The following TLL2 variants were observed in gnomAD, a reference collection of about 807,000 sequenced individuals.
TLL2 encodes tolloid like 2, also known as tolloid-like protein 2.
In TLL2, 106 loss-of-function variants were observed where a neutral mutation model predicts 123.0. The observed-to-expected ratio is 0.86, with a 90% CI of 0.74 to 1.01. TLL2 has a LOEUF of 1.01. TLL2 is among the 50% of genes least tolerant of loss of function. The pLI, the probability that TLL2 is intolerant of heterozygous loss-of-function variation, is 0.00. For missense variants in TLL2, 1,332 were observed against 1,336.7 expected (o/e 1.00, Z 0.06); for synonymous variants, 494 against 516.8 (o/e 0.96, Z 0.60).
intron 2 of TLL2, among the ~76,000 whole-genome samples, chr10:96,448,049 A>T (rs1469939986): frequency 6.6e-6 from 1 of 152,136 alleles, no homozygotes; most frequent in Non-Finnish European, 1.5e-5. Flanking sequence ...AACTCCTCAC[A>T]TGCAGGCCAT....
chr10:96,426,110 ACAGG>A (rs1846675301), intron 5 of TLL2, among the ~76,000 whole-genome samples: 1 of 152,128 alleles, frequency 6.6e-6, no homozygotes, highest in Non-Finnish European at 1.5e-5. Context: ...GTTGTATTGT[ACAGG>A]TGCCTTTTAG....
chr10:96,397,164 G>A (rs200402289), intron 11 of TLL2, 22 bp downstream of exon 11: 6 of 1,599,172 alleles, frequency 3.8e-6, no homozygotes, highest in Non-Finnish European at 5.1e-6. Context: ...CCACCGAGCA[G>A]CTGCTTTCAC....
chr10:96,476,248 T>TTTTTTTTTTTTTTTTTGTTGTTGTTGTTG (rs1285354320), intron 2 of TLL2, among the ~76,000 whole-genome samples: 1 of 69,230 alleles, frequency 1.4e-5, no homozygotes, highest in African/African-American at 6.2e-5. Flanking sequence ...ATATTTTATT[T>TTTTTTTTTTTTTTTTTGTTGTTGTTGTTG]TTGTTGTTGT....
intron 10 of TLL2, among the ~76,000 whole-genome samples, chr10:96,397,864 G>A (rs1459297063): frequency 6.6e-6 from 1 of 152,186 alleles, no homozygotes; most frequent in Non-Finnish European, 1.5e-5. Context: ...TAGGATGGAG[G>A]AGTGACAGGA....
intron 7 of TLL2, among the ~76,000 whole-genome samples, chr10:96,416,397 TGC>T (rs150378829): frequency 0.039 from 5,877 of 152,282 alleles, 364 homozygotes; most frequent in African/African-American, 0.13. Context: ...GCACTTTCCT[TGC>T]ACCAACTCAT....
chr10:96,512,890 A>T (rs1005742981), intron 1 of TLL2, among the ~76,000 whole-genome samples: 2 of 152,198 alleles, frequency 1.3e-5, no homozygotes, highest in Admixed American at 6.5e-5. Flanking sequence ...TCCTGGAGGG[A>T]TTAGAGCACC....
chr10:96,370,161 C>T lies in TLL2; in HGVS notation c.2817G>A (p.Glu939=). ...AGCCGCAGTCGGCCTCCTCCTCAAC[C>T]TCAAAGGTCCGGAATGTCAGCTCCA... ...YGVELTFRTF[E]VEEEADCGYD... The change falls in exon 20 of 21, where the codon GAG becomes GAA. Residue 939 remains glutamate (E), a synonymous_variant. Transcript: ENST00000357947. 4 of 1,614,112 alleles carry T rather than the reference C, an allele frequency of 2.5e-6. No individual in the cohort carries two copies. Among genetic ancestry groups the T allele is most frequent in the Non-Finnish European group, 3.4e-6 (4 of 1,179,990 alleles).
At chr10:96,433,149 A>T (rs1465115049) in intron 3 of TLL2, among the ~76,000 whole-genome samples, 187 bp from the exon 4 acceptor site, 1 of 152,144 alleles carries the variant, frequency 6.6e-6, no homozygotes, top group African/African-American at 2.4e-5. Context: ...TACATGTAGT[A>T]AATGTACCGG....
intron 16 of TLL2, among the ~76,000 whole-genome samples, chr10:96,380,822 C>T (rs1290101667): frequency 6.7e-6 from 1 of 148,608 alleles, no homozygotes; most frequent in Non-Finnish European, 1.5e-5. Context: ...GAGTTCGAGA[C>T]ACAAATTAGC....
intron 10 of TLL2, among the ~76,000 whole-genome samples, chr10:96,404,725 A>G (rs1035627273): frequency 9.2e-5 from 14 of 152,196 alleles, no homozygotes; most frequent in African/African-American, 3.1e-4. Flanking sequence ...CATTATATAT[A>G]TATATATAAA....
At chr10:96,400,900 A>G (rs1477814874) in intron 10 of TLL2, among the ~76,000 whole-genome samples, 2 of 152,214 alleles carry the variant, frequency 1.3e-5, no homozygotes, top group African/African-American at 4.8e-5. Context: ...AGTGACCCCC[A>G]AAACTGACAA....
chr10:96,410,525 C>T (rs1846491138), intron 8 of TLL2, 51 bp from the exon 9 acceptor site: 1 of 1,448,760 alleles, frequency 6.9e-7, no homozygotes, highest in Non-Finnish European at 9.7e-7. Flanking sequence ...CTCTCCCCGC[C>T]CAAGCAGCTC....
intron 18 of TLL2, 32 bp from the exon 19 acceptor site, chr10:96,373,841 G>GCCCTT (rs778237466): frequency 8.7e-6 from 14 of 1,600,872 alleles, no homozygotes; most frequent in African/African-American, 1.3e-5. Flanking sequence ...GTAAGGCAAG[G>GCCCTT]GCCTGGCGTT....
At chr10:96,381,083 G>C (rs563687111) in intron 16 of TLL2, among the ~76,000 whole-genome samples, 1 of 152,028 alleles carries the variant, frequency 6.6e-6, no homozygotes, top group Non-Finnish European at 1.5e-5. Flanking sequence ...ATGACTCACA[G>C]GTCCTCACCC....
intron 2 of TLL2, among the ~76,000 whole-genome samples, chr10:96,462,693 C>T (rs1331779304): frequency 6.6e-6 from 1 of 152,168 alleles, no homozygotes; most frequent in Non-Finnish European, 1.5e-5. Context: ...ATCATTAGGT[C>T]ATTAACATTG....
At chr10:96,409,833 T>G (rs1217054939) in intron 9 of TLL2, among the ~76,000 whole-genome samples, 1 of 152,204 alleles carries the variant, frequency 6.6e-6, no homozygotes, top group African/African-American at 2.4e-5. Flanking sequence ...CTGCCCTGGA[T>G]CCATCTTCTT....
chr10:96,453,800 AC>A (rs1267249404), intron 2 of TLL2, among the ~76,000 whole-genome samples: 1 of 152,154 alleles, frequency 6.6e-6, no homozygotes, highest in African/African-American at 2.4e-5. Context: ...TAGGCAAAAA[AC>A]ATGCCGAAAA....
intron 7 of TLL2, among the ~76,000 whole-genome samples, chr10:96,420,509 T>C (rs1013363776): frequency 2.6e-5 from 4 of 152,204 alleles, no homozygotes; most frequent in East Asian, 1.9e-4. Flanking sequence ...TGGAGCCTCA[T>C]TGTCTTCACC....
chr10:96,435,030 T>C (rs1468633951), intron 3 of TLL2, among the ~76,000 whole-genome samples: 1 of 151,302 alleles, frequency 6.6e-6, no homozygotes, highest in Non-Finnish European at 1.5e-5. Context: ...TTTCCTTTTT[T>C]TTTTCTTTTT....
Sources: gnomAD v4.1 joint callset for allele counts (sites outside exome capture counted in the v4.1 genomes callset) on GRCh38, gnomAD v4.1.1 for gene constraint, MANE v1.5 for transcripts, NCBI Gene and HGNC (gene_info 2026-07-23, HGNC 2026-07-21) for gene names.